FRMD5: variants seen among roughly 807,000 people sequenced by gnomAD.
The protein encoded by FRMD5 is FERM domain containing 5.
A neutral mutation model predicts 69.0 loss-of-function variants in FRMD5; 20 were observed. That is an observed-to-expected ratio of 0.29 (90% confidence interval 0.20 to 0.42). The LOEUF (loss-of-function observed/expected upper bound fraction) is 0.42. FRMD5 is among the 10% of genes least tolerant of loss of function. The pLI, the probability that FRMD5 is intolerant of heterozygous loss-of-function variation, is 1.00. For missense variants in FRMD5, 595 were observed against 708.6 expected (o/e 0.84, Z 1.82); for synonymous variants, 271 against 260.1 (o/e 1.04, Z -0.40).
chr15:43,892,369 A>T (rs555059107), intron 7 of FRMD5, among the ~76,000 whole-genome samples: 1 of 152,230 alleles, frequency 6.6e-6, no homozygotes, highest in South Asian at 2.1e-4. Flanking sequence ...CACCTCATGC[A>T]TTGCTGATGG....
intron 6 of FRMD5, among the ~76,000 whole-genome samples, chr15:43,902,499 T>C (rs2089071356): frequency 6.6e-6 from 1 of 151,916 alleles, no homozygotes; most frequent in African/African-American, 2.4e-5. Flanking sequence ...GTGTAAACAA[T>C]GGGGAGTGGT....
At chr15:43,970,336 G>A (rs956519905) in intron 1 of FRMD5, among the ~76,000 whole-genome samples, 4 of 152,194 alleles carry the variant, frequency 2.6e-5, no homozygotes, top group Non-Finnish European at 4.4e-5. Flanking sequence ...TCTTTGGATT[G>A]GAGGCAGAAA....
chr15:44,193,960 G>C (rs2078237609), intron 1 of FRMD5, among the ~76,000 whole-genome samples: 1 of 152,238 alleles, frequency 6.6e-6, no homozygotes, highest in African/African-American at 2.4e-5. Context: ...AGACCCCTCT[G>C]GGTCCAGCTC....
chr15:43,944,126 A>T (rs1388342498), intron 1 of FRMD5, among the ~76,000 whole-genome samples: 1 of 152,196 alleles, frequency 6.6e-6, no homozygotes, highest in Non-Finnish European at 1.5e-5. Flanking sequence ...TAAAGAAAGG[A>T]AATTTATTTC....
intron 1 of FRMD5, among the ~76,000 whole-genome samples, chr15:44,154,656 C>T (rs927244572): frequency 6.6e-5 from 10 of 152,138 alleles, no homozygotes; most frequent in African/African-American, 2.2e-4. Flanking sequence ...ACCTTTATTG[C>T]AACTATTATA....
chr15:44,184,655 GAGGCTAAT>G (rs2140580273), intron 1 of FRMD5, among the ~76,000 whole-genome samples: 1 of 152,188 alleles, frequency 6.6e-6, no homozygotes, highest in Non-Finnish European at 1.5e-5. Context: ...TATTAAATGA[GAGGCTAAT>G]AGTATAAATT....
At chr15:43,936,593 G>C (rs1041468158) in intron 1 of FRMD5, among the ~76,000 whole-genome samples, 7 of 152,120 alleles carry the variant, frequency 4.6e-5, no homozygotes, top group Non-Finnish European at 1.0e-4. Context: ...AGTGAGATCA[G>C]TGTAGGAAAG....
rs567638915 is a variant in FRMD5 at position 44,026,424 on chromosome 15, C to CTGTA, written c.103-102119_103-102116dup. 1.4e-3 allele frequency among the ~76,000 whole-genome samples: 219 copies of CTGTA among 152,340 alleles called. 1 individual carries two copies. Among genetic ancestry groups the CTGTA allele is most frequent in the Admixed American group, 2.5e-3 (38 of 15,310 alleles). On this transcript the variant is annotated intron_variant, in intron 1 of 13. Transcript: ENST00000417257. ...TTAAAATACACTAGATTAACTATTA[C>CTGTA]TGTATTTCTCATGTTCTATCTAGTT...
upstream of FRMD5, among the ~76,000 whole-genome samples, chr15:44,196,193 G>T (rs1489380770): frequency 6.6e-6 from 1 of 152,190 alleles, no homozygotes; most frequent in East Asian, 1.9e-4. Flanking sequence ...CGGGCGCAGT[G>T]GCTCAAGCCT....
intron 1 of FRMD5, chr15:43,989,230 A>C: frequency 1.2e-6 from 1 of 803,974 alleles, no homozygotes; most frequent in Non-Finnish European, 2.3e-6. Context: ...GCTGGGCGCC[A>C]GGGTGGTGAT....
intron 1 of FRMD5, among the ~76,000 whole-genome samples, chr15:44,135,813 G>C (rs1443016103): frequency 6.4e-5 from 8 of 125,388 alleles, no homozygotes; most frequent in Admixed American, 8.8e-5. Flanking sequence ...GACAGAGTGA[G>C]ACTCTGTCTC....
chr15:44,088,054 C>T (rs894150433), intron 1 of FRMD5, among the ~76,000 whole-genome samples: 1 of 152,110 alleles, frequency 6.6e-6, no homozygotes, highest in African/African-American at 2.4e-5. Flanking sequence ...TTATGCTAGG[C>T]TGAGTGTTTA....
At chr15:44,089,791 C>A (rs944331483) in intron 1 of FRMD5, among the ~76,000 whole-genome samples, 1 of 151,880 alleles carries the variant, frequency 6.6e-6, no homozygotes, top group East Asian at 1.9e-4. Flanking sequence ...GGAACTGGGA[C>A]ATAAAAAACA....
chr15:44,039,367 A>G (rs1262086927), intron 1 of FRMD5, among the ~76,000 whole-genome samples: 1 of 152,194 alleles, frequency 6.6e-6, no homozygotes, highest in Non-Finnish European at 1.5e-5. Flanking sequence ...ACCCCTGTGT[A>G]TTCTGACTGG....
At chr15:44,147,357 GTT>G (rs2077372961) in intron 1 of FRMD5, among the ~76,000 whole-genome samples, 1 of 152,106 alleles carries the variant, frequency 6.6e-6, no homozygotes, top group Non-Finnish European at 1.5e-5. Flanking sequence ...ATACATGTCT[GTT>G]TTCATAACAG....
chr15:44,036,874 G>A (rs760138580), intron 1 of FRMD5, among the ~76,000 whole-genome samples: 1 of 152,008 alleles, frequency 6.6e-6, no homozygotes, highest in Non-Finnish European at 1.5e-5. Flanking sequence ...TTCCCTACTT[G>A]GTCACTAAAA....
intron 4 of FRMD5, among the ~76,000 whole-genome samples, chr15:43,917,535 C>A (rs536107761): frequency 6.6e-6 from 1 of 152,118 alleles, no homozygotes; most frequent in Non-Finnish European, 1.5e-5. Flanking sequence ...GGATTACAGG[C>A]GTGATGGCCC....
chr15:44,113,170 C>T (rs993531464), intron 1 of FRMD5, among the ~76,000 whole-genome samples: 3 of 152,206 alleles, frequency 2.0e-5, no homozygotes, highest in African/African-American at 7.2e-5. Context: ...TTGACAAGCT[C>T]TATGCCACTT....
Position 43,888,951 on chromosome 15 carries a change from C to A in FRMD5, c.729-79G>T, listed in dbSNP as rs942726050. On this transcript the variant is annotated intron_variant, in intron 8 of 13. Transcript: ENST00000417257. ...CTAAATCTTGTAGATGCACAGCCCA[C>A]CCCAACTGGAAGGGGCTCCAGGCAC... 7 of 1,251,726 alleles carry A rather than the reference C, an allele frequency of 5.6e-6. No individual in the cohort carries two copies. In the African/African-American group the frequency reaches 8.9e-5, roughly 16 times the overall value. 77.5% of individuals were successfully genotyped at this position (1,251,726 alleles called of 1,614,324 possible).
Sources: allele counts gnomAD v4.1 joint callset (sites outside exome capture counted in the v4.1 genomes callset), GRCh38; gene constraint gnomAD v4.1.1; transcripts MANE v1.5; gene names NCBI Gene and HGNC (gene_info 2026-07-23, HGNC 2026-07-21).